Variants in HERC4 observed in about 807,000 individuals in gnomAD.
HERC4 encodes HECT and RLD domain containing E3 ubiquitin protein ligase 4, also known as probable E3 ubiquitin-protein ligase HERC4.
In HERC4, 28 loss-of-function variants were observed where a neutral mutation model predicts 124.3. The ratio of observed to expected loss-of-function variants is 0.23; its 90% confidence interval spans 0.17 to 0.31. The LOEUF (loss-of-function observed/expected upper bound fraction) is 0.31. Ranked by LOEUF, HERC4 falls within the 10% of genes least tolerant of loss-of-function variation. The pLI, the probability that HERC4 is intolerant of heterozygous loss-of-function variation, is 1.00. For synonymous variants in HERC4, 407 were observed against 421.5 expected, an observed-to-expected ratio of 0.97 and a Z score of 0.42; for missense variants, 713 against 1,229.3, an observed-to-expected ratio of 0.58 and a Z score of 6.28.
At chr10:68,039,835 T>TA (rs2039671174) in intron 4 of HERC4, 1 of 1,015,150 alleles carries the variant, frequency 9.9e-7, no homozygotes, top group Non-Finnish European at 1.2e-6. Context: ...CTGTTCAGCA[T>TA]ATTAAGTATT....
intron 23 of HERC4, among the ~76,000 whole-genome samples, chr10:67,929,876 G>A (rs568865223): frequency 2.0e-5 from 3 of 148,664 alleles, no homozygotes; most frequent in East Asian, 2.0e-4. Flanking sequence ...GCAACGGCAC[G>A]ATCTCCGGCT....
intron 9 of HERC4, chr10:68,010,473 A>T: frequency 1.1e-6 from 1 of 934,728 alleles, no homozygotes; most frequent in South Asian, 1.4e-5. Flanking sequence ...CCACACTCGG[A>T]TCACATCCTT....
At chr10:67,960,403 G>A (rs1250257587) in intron 16 of HERC4, among the ~76,000 whole-genome samples, 3 of 149,626 alleles carry the variant, frequency 2.0e-5, no homozygotes, top group Non-Finnish European at 4.4e-5. Flanking sequence ...TTTTTTTTTT[G>A]AGACGGAGCT....
intron 15 of HERC4, among the ~76,000 whole-genome samples, chr10:67,984,368 A>G (rs913145679): frequency 1.3e-5 from 2 of 151,980 alleles, no homozygotes; most frequent in Non-Finnish European, 2.9e-5. Flanking sequence ...ACTGGAGGAC[A>G]TTATTTAAGT....
chr10:68,061,737 C>T (rs147216170), intron 3 of HERC4, among the ~76,000 whole-genome samples: 5,963 of 150,758 alleles, frequency 0.04, 168 homozygotes, highest in South Asian at 0.11. Flanking sequence ...AAAAATTAGC[C>T]GGGCATGGTG....
intron 19 of HERC4, among the ~76,000 whole-genome samples, chr10:67,949,577 C>T (rs1158146411): frequency 6.6e-6 from 1 of 152,160 alleles, no homozygotes; most frequent in Admixed American, 6.5e-5. Context: ...ATAATAGCAA[C>T]CTCAATCAAG....
chr10:68,064,936 A>T (rs188253509), intron 3 of HERC4, among the ~76,000 whole-genome samples: 1 of 151,008 alleles, frequency 6.6e-6, no homozygotes, highest in South Asian at 2.1e-4. Context: ...CGCGCCATGC[A>T]CTCCAGCTTG....
At chr10:67,960,163 AGTAAAAACTCTGGGCACCAGGGTTCTG>A (rs927338585) in intron 16 of HERC4, among the ~76,000 whole-genome samples, 4 of 152,222 alleles carry the variant, frequency 2.6e-5, no homozygotes, top group Admixed American at 1.3e-4. Flanking sequence ...ATTGAACCCC[AGTAAAAACTCTGGGCACCAGGGTTCTG>A]GTGAGCTTCT....
At chr10:67,949,488 A>C (rs1005974750) in intron 19 of HERC4, among the ~76,000 whole-genome samples, 1 of 152,118 alleles carries the variant, frequency 6.6e-6, no homozygotes, top group Admixed American at 6.5e-5. Context: ...ACCCCAAAAC[A>C]AAAAAACAGT....
chr10:67,931,939 A>T (rs921281755), intron 23 of HERC4, among the ~76,000 whole-genome samples: 3 of 151,996 alleles, frequency 2.0e-5, no homozygotes, highest in Admixed American at 2.0e-4. Flanking sequence ...TTTTAAAATT[A>T]TTTTTATCTA....
At chr10:67,957,765 C>T (rs941881317) in intron 16 of HERC4, among the ~76,000 whole-genome samples, 1 of 152,126 alleles carries the variant, frequency 6.6e-6, no homozygotes, top group Admixed American at 6.6e-5. Context: ...CACCCTAAAA[C>T]AATCCACTTC....
At chr10:67,975,782 A>G (rs2035550089) in intron 15 of HERC4, among the ~76,000 whole-genome samples, 1 of 152,200 alleles carries the variant, frequency 6.6e-6, no homozygotes, top group Non-Finnish European at 1.5e-5. Flanking sequence ...TGATACTTTT[A>G]TCTCCTCTAA....
At position 68,038,108 on chromosome 10, in the gene HERC4, G is replaced by C; in HGVS notation, c.448C>G (p.Leu150Val). Residue 150 changes from leucine to valine, a missense_variant, in exon 5 of 25, where the codon CTT becomes GTT. By Grantham distance (32) the Leu-to-Val change is conservative. Coordinates refer to ENST00000373700, the MANE Select transcript of HERC4 (RefSeq NM_015601.4). ...TAATGCTTACCTTTAGAAAGTGCAAGTGAATGATAGTAACCACAAGCAACC... is the reference window on the plus strand; with the variant it reads ...TAATGCTTACCTTTAGAAAGTGCAACTGAATGATAGTAACCACAAGCAACC... ...VQVACGYYHS[L>V]ALSKASEVFC... 1 of 1,512,388 alleles carries C rather than the reference G, an allele frequency of 6.6e-7. No individual in the cohort carries two copies. The highest frequency in any genetic ancestry group is 8.9e-7 in the Non-Finnish European group (1 of 1,126,622). The allele number at this position is 1,512,388 out of a possible 1,614,324, so 93.7% of individuals were successfully genotyped here.
chr10:68,034,165 C>T lies in HERC4; in HGVS notation c.485G>A (p.Gly162Glu). The T allele has an allele frequency of 6.2e-7, 1 of 1,613,534 alleles. No individual in the cohort carries two copies. Among genetic ancestry groups the T allele is most frequent in the Non-Finnish European group, 8.5e-7 (1 of 1,179,570 alleles). Reference sequence around the variant, plus strand: ...ACCCAATTGGCCATATTTATTCTGTCCCCAACAGAAGACTTCACTTGCTGT... The same window carrying T: ...ACCCAATTGGCCATATTTATTCTGTTCCCAACAGAAGACTTCACTTGCTGT... ...LSKASEVFCW[G>E]QNKYGQLGLG... is the part of the protein sequence containing the mutation. The change falls in exon 6 of 25, where the codon GGA becomes GAA. Residue 162 changes from glycine to glutamate, a missense_variant. Gly to Glu is a moderately conservative substitution (Grantham distance 98). Transcript: ENST00000373700.
intron 5 of HERC4, among the ~76,000 whole-genome samples, chr10:68,035,313 T>C (rs1009570610): frequency 9.9e-5 from 15 of 152,044 alleles, no homozygotes; most frequent in African/African-American, 3.1e-4. Context: ...CCACCATGCC[T>C]GGCTAATTTT....
At chr10:68,010,320 GA>G (rs1369857626) in intron 9 of HERC4, 5 of 939,676 alleles carry the variant, frequency 5.3e-6, no homozygotes, top group Non-Finnish European at 8.3e-6. Flanking sequence ...ACCAAAATGG[GA>G]GCCTGGGGCA....
chr10:68,034,385 T>C (rs933035515), intron 5 of HERC4, among the ~76,000 whole-genome samples, 199 bp from the exon 6 acceptor site: 2 of 152,182 alleles, frequency 1.3e-5, no homozygotes, highest in African/African-American at 4.8e-5. Flanking sequence ...AGAAGAACAT[T>C]CAGTATTAGT....
At chr10:68,025,744 A>G (rs2038864936) in intron 7 of HERC4, 68 bp from the exon 8 acceptor site, 1 of 1,494,062 alleles carries the variant, frequency 6.7e-7, no homozygotes, top group Non-Finnish European at 9.0e-7. Context: ...CTCCAGAAAA[A>G]TAAGTCCAAA....
chr10:67,934,863 T>A (rs1283573532), intron 22 of HERC4, among the ~76,000 whole-genome samples: 2 of 152,024 alleles, frequency 1.3e-5, no homozygotes, highest in Non-Finnish European at 2.9e-5. Context: ...TTTCCACTTC[T>A]CGTGCTTTCA....
Sources: allele counts gnomAD v4.1 joint callset (sites outside exome capture counted in the v4.1 genomes callset), GRCh38; gene constraint gnomAD v4.1.1; transcripts MANE v1.5; gene names NCBI Gene and HGNC (gene_info 2026-07-23, HGNC 2026-07-21).